The following CLTCL1 variants were observed in gnomAD, a reference collection of about 807,000 sequenced individuals.
CLTCL1 encodes clathrin heavy chain like 1.
In CLTCL1, 159 loss-of-function variants were observed where a neutral mutation model predicts 190.0. That is an observed-to-expected ratio of 0.84 (90% CI 0.74 to 0.95). CLTCL1 has a LOEUF of 0.95. CLTCL1 is among the 40% of genes least tolerant of loss of function. CLTCL1 has a pLI of 0.00. For synonymous variants in CLTCL1, 752 were observed against 769.6 expected (o/e 0.98, Z 0.38); for missense variants, 1,878 against 2,033.4 (o/e 0.92, Z 1.47).
rs782320133 is a variant in CLTCL1 at position 19,229,840 on chromosome 22, G to A, written c.1780C>T (p.Gln594Ter). The A allele has an allele frequency of 1.2e-6, 2 of 1,607,388 alleles. No homozygotes were observed. Among genetic ancestry groups the A allele is most frequent in the Non-Finnish European group, 1.7e-6 (2 of 1,177,580 alleles). Reference protein sequence around the residue: ...LLEMNLVHAPQVADAILGNKM... With the variant: ...LLEMNLVHAP ...GTGTTAGCCTACAAGTCACTGACCT[G>A]GGGTGCATGAACAAGGTTCATCTCC... The change falls in exon 11 of 33, where the codon CAG (glutamine) becomes TAG (stop). Residue 594 changes from glutamine (Q) to a stop codon, truncating the protein, a stop_gained and splice_region_variant. Transcript: ENST00000427926. LOFTEE classifies it high-confidence loss of function.
At chr22:19,219,114 C>G (rs1344779402) in intron 18 of CLTCL1, among the ~76,000 whole-genome samples, 1 of 152,110 alleles carries the variant, frequency 6.6e-6, no homozygotes, top group Non-Finnish European at 1.5e-5. Context: ...TATTTTTAGG[C>G]AAGCTATTTC....
chr22:19,180,203 TG>T lies in CLTCL1; in HGVS notation c.*15del. ...GTCTCCAAATGGGACACTTACTTAG[TG>T]CAATCAGCTGGGTCTCATTCATGCC... is the stretch of plus-strand genomic sequence containing the variant. On this transcript the variant is annotated 3_prime_UTR_variant, in exon 32 of 33. Coordinates refer to ENST00000427926, the MANE Select transcript of CLTCL1 (RefSeq NM_007098.4). 6.2e-7 allele frequency: 1 copy of T among 1,613,634 alleles called. No homozygotes were observed. Among genetic ancestry groups the T allele is most frequent in the Non-Finnish European group, 8.5e-7 (1 of 1,179,718 alleles).
At chr22:19,240,684 G>A (rs1284669207) in intron 4 of CLTCL1, among the ~76,000 whole-genome samples, 2 of 152,210 alleles carry the variant, frequency 1.3e-5, no homozygotes, top group Non-Finnish European at 2.9e-5. Flanking sequence ...TGGCTATTCT[G>A]TAACCCAAAT....
At chr22:19,276,889 G>A (rs1172751028) in intron 1 of CLTCL1, among the ~76,000 whole-genome samples, 1 of 152,028 alleles carries the variant, frequency 6.6e-6, no homozygotes, top group East Asian at 1.9e-4. Context: ...AGCCAGGATG[G>A]TCTCAATCTC....
At chr22:19,275,560 T>C (rs45579934) in intron 2 of CLTCL1, 63 bp downstream of exon 2, 96,025 of 1,464,420 alleles carry the variant, frequency 0.066, 3,396 homozygotes, top group Middle Eastern at 0.11. Flanking sequence ...TTGTTCAATA[T>C]TTAAGGTAAC....
At chr22:19,184,638 T>C (rs1555927470) in intron 29 of CLTCL1, 1 of 449,348 alleles carries the variant, frequency 2.2e-6, no homozygotes, top group Non-Finnish European at 4.5e-6. Flanking sequence ...CTCCCTGCCG[T>C]GCCCTCCACC....
chr22:19,188,190 G>A (rs1555929467), intron 27 of CLTCL1, 99 bp from the exon 28 acceptor site: 1 of 1,061,228 alleles, frequency 9.4e-7, no homozygotes, highest in Non-Finnish European at 1.4e-6. Flanking sequence ...CCACTTGAAT[G>A]GTCCAGCTCT....
intron 17 of CLTCL1, 69 bp downstream of exon 17, chr22:19,221,308 A>G (rs1211835665): frequency 3.4e-5 from 42 of 1,234,836 alleles, no homozygotes; most frequent in Non-Finnish European, 4.3e-5. Context: ...AGCTCCCCAC[A>G]GGCACACCTT....
intron 19 of CLTCL1, among the ~76,000 whole-genome samples, chr22:19,215,118 T>A (rs2145693425): frequency 6.6e-6 from 1 of 152,276 alleles, no homozygotes; most frequent in Middle Eastern, 3.4e-3. Context: ...CTAACAACTA[T>A]CAAAGGAGGT....
In CLTCL1 at chr22:19,183,493, T is replaced by G. The variant is rs561397698; in HGVS notation, c.4724A>C (p.Asp1575Ala). ...CFAACLFTCY[D>A]LLRPDMVLEL... ...AAGCACCATGTCTGGGCGAAGCAGG[T>G]CATAGCAGGTGAAGAGACAAGCTGC... is the stretch of plus-strand genomic sequence containing the variant. Residue 1575 changes from aspartate to alanine, a missense_variant, in exon 30 of 33, where the codon GAC becomes GCC. Coordinates refer to ENST00000427926, the MANE Select transcript of CLTCL1 (RefSeq NM_007098.4). The G allele has an allele frequency of 1.2e-6, 2 of 1,610,044 alleles. No homozygotes were observed. The highest frequency in any genetic ancestry group is 1.7e-6 in the Non-Finnish European group (2 of 1,179,764).
intron 16 of CLTCL1, 102 bp downstream of exon 16, chr22:19,221,849 A>C (rs1437403768): frequency 1.8e-5 from 24 of 1,338,414 alleles, no homozygotes; most frequent in Non-Finnish European, 9.3e-6. Flanking sequence ...AGATGTGTAC[A>C]TGAACGACCA....
At chr22:19,288,730 A>G (rs2087999519) in intron 1 of CLTCL1, among the ~76,000 whole-genome samples, 1 of 152,226 alleles carries the variant, frequency 6.6e-6, no homozygotes, top group African/African-American at 2.4e-5. Flanking sequence ...CATCAAGCTT[A>G]TGGGAATACA....
intron 26 of CLTCL1, among the ~76,000 whole-genome samples, chr22:19,191,940 G>C (rs1195689186): frequency 2.0e-5 from 3 of 152,170 alleles, no homozygotes; most frequent in African/African-American, 4.8e-5. Flanking sequence ...CCCATGCAGA[G>C]AGTGGACCAC....
At chr22:19,246,363 T>C (rs901662106) in intron 3 of CLTCL1, among the ~76,000 whole-genome samples, 1 of 152,156 alleles carries the variant, frequency 6.6e-6, no homozygotes, top group Non-Finnish European at 1.5e-5. Flanking sequence ...CCTGGCCTTA[T>C]GTTTAACTTT....
Position 19,179,864 on chromosome 22 carries a change from T to G in CLTCL1, c.*126A>C. On this transcript the variant is annotated 3_prime_UTR_variant, in exon 33 of 33. Coordinates refer to ENST00000427926, the MANE Select transcript of CLTCL1 (RefSeq NM_007098.4). ...GTAACTCTGCAGGTAGGGTGGGTGGTGACAACGCCCACTACACGCGGAAGT... is the reference window on the plus strand; with the variant it reads ...GTAACTCTGCAGGTAGGGTGGGTGGGGACAACGCCCACTACACGCGGAAGT... 2.8e-6 allele frequency: 1 copy of G among 358,862 alleles called. No individual in the cohort carries two copies. 22.2% of individuals were successfully genotyped at this position (358,862 alleles called of 1,614,324 possible).
chr22:19,183,686 G>T, intron 29 of CLTCL1, 75 bp from the exon 30 acceptor site: 1 of 1,424,014 alleles, frequency 7.0e-7, no homozygotes, highest in Non-Finnish European at 9.7e-7. Flanking sequence ...GGGCCGGAGG[G>T]CAGGGAGTGG....
At chr22:19,290,967 G>C (rs992578539) in intron 1 of CLTCL1, among the ~76,000 whole-genome samples, 4 of 152,130 alleles carry the variant, frequency 2.6e-5, no homozygotes, top group African/African-American at 9.7e-5. Flanking sequence ...GCAGACCCGC[G>C]AGCGGCCCGC....
chr22:19,210,175 T>C lies in CLTCL1; in HGVS notation c.3249+151A>G, dbSNP rs140913054. On this transcript the variant is annotated intron_variant, in intron 20 of 32. Coordinates refer to ENST00000427926, the MANE Select transcript of CLTCL1 (RefSeq NM_007098.4). ...ACAAGGGGCCAGCGGGCTGGGAAGA[T>C]GGGTTGCTGGTGAGGAACAGAGAAG... 2.2e-4 allele frequency: 141 copies of C among 653,128 alleles called. 1 individual carries two copies. Among genetic ancestry groups the C allele is most frequent in the Middle Eastern group, 1.2e-3 (3 of 2,424 alleles). The allele number at this position is 653,128 out of a possible 1,614,324, so 40.5% of individuals were successfully genotyped here.
intron 1 of CLTCL1, among the ~76,000 whole-genome samples, chr22:19,287,712 C>A (rs1295083078): frequency 1.3e-5 from 2 of 151,972 alleles, no homozygotes; most frequent in African/African-American, 4.8e-5. Context: ...CAGAACGATG[C>A]CAAAAGTAAA....
Sources: gnomAD v4.1 joint callset for allele counts (sites outside exome capture counted in the v4.1 genomes callset) on GRCh38, gnomAD v4.1.1 for gene constraint, MANE v1.5 for transcripts, NCBI Gene and HGNC (gene_info 2026-07-23, HGNC 2026-07-21) for gene names.